The following ADAM19 variants were observed in gnomAD, a reference collection of about 807,000 sequenced individuals.
The protein encoded by ADAM19 is disintegrin and metalloproteinase domain-containing protein 19.
ADAM19 carries 65 observed loss-of-function variants against 114.7 expected under a neutral mutation model. That is an observed-to-expected ratio of 0.57 (90% CI 0.46 to 0.70). The LOEUF (loss-of-function observed/expected upper bound fraction) is 0.70. Ranked by LOEUF, ADAM19 falls within the 30% of genes least tolerant of loss-of-function variation. The pLI, the probability that ADAM19 is intolerant of heterozygous loss-of-function variation, is 0.00. For missense variants in ADAM19, 1,063 were observed against 1,204.7 expected (o/e 0.88, Z 1.74); for synonymous variants, 466 against 460.5 (o/e 1.01, Z -0.15).
At chr5:157,560,365 G>A (rs984338067) in intron 3 of ADAM19, among the ~76,000 whole-genome samples, 3 of 151,596 alleles carry the variant, frequency 2.0e-5, no homozygotes, top group Non-Finnish European at 4.4e-5. Context: ...GAAAGCAGAG[G>A]CTCAGGGGAG....
At position 157,507,131 on chromosome 5, in the gene ADAM19, G is replaced by A. The variant is rs750246252; in HGVS notation, c.915C>T (p.Ser305=). The change falls in exon 10 of 23, where the codon TCC becomes TCT. Residue 305 remains serine, a synonymous_variant. Transcript: ENST00000257527. ...CCAGGCCGATGGTGGTGCCGTGGAA[G>A]GACATGCCCCTGCAGGAGGCAAGGA... ...HDNAQLITGM[S]FHGTTIGLAP... is the part of the protein sequence containing the mutation. 2 of 1,613,858 alleles carry A rather than the reference G, an allele frequency of 1.2e-6. No homozygotes were observed. Among genetic ancestry groups the A allele is most frequent in the Non-Finnish European group, 1.7e-6 (2 of 1,179,936 alleles).
intron 4 of ADAM19, 110 bp from the exon 5 acceptor site, chr5:157,530,993 C>T (rs947347524): frequency 6.3e-6 from 5 of 797,342 alleles, no homozygotes; most frequent in Admixed American, 2.0e-5. Flanking sequence ...ACCTACCCAA[C>T]CTTATAGCAC....
chr5:157,502,912 C>A lies in ADAM19; in HGVS notation c.1199G>T (p.Gly400Val). The change falls in exon 12 of 23, where the codon GGT becomes GTT. Residue 400 changes from glycine to valine, a missense_variant. Coordinates refer to ENST00000257527, the MANE Select transcript of ADAM19 (RefSeq NM_033274.5). ...TGGCATGTTGGAGAGACACATTCCA[C>A]CACCTGACTGCAGATACCTGTCCAG... ...RELDRYLQSG[G>V]GMCLSNMPDT... 1.2e-6 allele frequency: 2 copies of A among 1,614,202 alleles called. No individual in the cohort carries two copies. The highest frequency in any genetic ancestry group is 1.7e-6 in the Non-Finnish European group (2 of 1,180,032).
chr5:157,509,869 C>T (rs1481311788), intron 8 of ADAM19, among the ~76,000 whole-genome samples: 1 of 152,134 alleles, frequency 6.6e-6, no homozygotes, highest in African/African-American at 2.4e-5. Flanking sequence ...GGGCTTAGGT[C>T]AATAGGTAAA....
chr5:157,568,440 G>A (rs773083470), intron 2 of ADAM19: 1 of 152,112 alleles, frequency 6.6e-6, no homozygotes, highest in African/African-American at 2.4e-5. Context: ...TTTTCTGTCC[G>A]GCTCTACTGA....
At chr5:157,543,226 ACTTCGAGAAGTG>A (rs1756964918) in intron 3 of ADAM19, among the ~76,000 whole-genome samples, 1 of 152,174 alleles carries the variant, frequency 6.6e-6, no homozygotes, top group African/African-American at 2.4e-5. Flanking sequence ...GATAAATAAA[ACTTCGAGAAGTG>A]CTCACTATGT....
chr5:157,558,519 G>A (rs1757424105), intron 3 of ADAM19, among the ~76,000 whole-genome samples: 1 of 152,242 alleles, frequency 6.6e-6, no homozygotes, highest in South Asian at 2.1e-4. Flanking sequence ...GGTTTACTAA[G>A]AGCATTGGGA....
intron 4 of ADAM19, among the ~76,000 whole-genome samples, chr5:157,533,702 C>T (rs1756686408): frequency 6.6e-6 from 1 of 152,120 alleles, no homozygotes; most frequent in Non-Finnish European, 1.5e-5. Flanking sequence ...CGCGGTGGCT[C>T]ATGCCCGTAA....
intron 6 of ADAM19, 24 bp from the exon 7 acceptor site, chr5:157,518,912 G>T: frequency 6.2e-7 from 1 of 1,605,576 alleles, no homozygotes; most frequent in Non-Finnish European, 8.5e-7. Flanking sequence ...ACAGATCAGC[G>T]CTGTAGAAAT....
Position 157,477,575 on chromosome 5 carries a change from A to G in ADAM19, c.*3374T>C. On this transcript the variant is annotated 3_prime_UTR_variant, in exon 23 of 23. Coordinates refer to ENST00000257527, the MANE Select transcript of ADAM19 (RefSeq NM_033274.5). ...TTGGAAATGTGGGCTTGGATTCTAC[A>G]GAACCTCTCCTTCGCAGGCTCCCCT... 2 of 1,239,362 alleles carry G rather than the reference A, an allele frequency of 1.6e-6. No individual in the cohort carries two copies. The highest frequency in any genetic ancestry group is 2.1e-6 in the Non-Finnish European group (2 of 962,604). 76.8% of individuals were successfully genotyped at this position (1,239,362 alleles called of 1,614,324 possible). A position where few individuals can be genotyped will look rare whatever the true frequency, so the allele number is the denominator to read the frequency against.
At chr5:157,531,648 C>CACTCT (rs1320190469) in intron 4 of ADAM19, among the ~76,000 whole-genome samples, 2 of 148,500 alleles carry the variant, frequency 1.3e-5, no homozygotes, top group Non-Finnish European at 3.0e-5. Flanking sequence ...GCCTGGGCGA[C>CACTCT]AGAGTGAGAT....
chr5:157,546,032 G>A lies in ADAM19; in HGVS notation c.252-8041C>T, dbSNP rs1445486040. On this transcript the variant is annotated intron_variant, in intron 3 of 22. Transcript: ENST00000257527. The stretch of plus-strand genomic sequence containing the variant: ...CCTCCACAAACATGTATGGAGGTCC[G>A]TGATGTGCAGGCACTATGCTAGGGG... Among the ~76,000 whole-genome samples the A allele has an allele frequency of 3.3e-5, 5 of 152,352 alleles. No homozygotes were observed. The East Asian group carries it at 5.8e-4, about 18-fold the overall frequency.
chr5:157,521,310 T>G (rs72811310), intron 5 of ADAM19, among the ~76,000 whole-genome samples: 16,138 of 152,092 alleles, frequency 0.11, 978 homozygotes, highest in Middle Eastern at 0.18. Context: ...AGCCCAGGAG[T>G]AAGCCCCATG....
At chr5:157,494,900 G>T in intron 14 of ADAM19, 105 bp from the exon 15 acceptor site, 2 of 824,940 alleles carry the variant, frequency 2.4e-6, no homozygotes, top group Non-Finnish European at 3.9e-6. Flanking sequence ...TTCTGGGAGG[G>T]AATACTCAGC....
intron 12 of ADAM19, among the ~76,000 whole-genome samples, chr5:157,500,208 C>G (rs1351421337): frequency 6.6e-6 from 1 of 151,956 alleles, no homozygotes; most frequent in African/African-American, 2.4e-5. Context: ...TTTTTTGAGA[C>G]AGTCTGCAAC....
At chr5:157,489,763 A>T (rs1755084642) in intron 19 of ADAM19, among the ~76,000 whole-genome samples, 1 of 152,242 alleles carries the variant, frequency 6.6e-6, no homozygotes, top group African/African-American at 2.4e-5. Flanking sequence ...AAGCGGGCAG[A>T]TCACCTGAGG....
chr5:157,478,517 G>C lies in ADAM19; in HGVS notation c.*2432C>G. 2.1e-6 allele frequency: 2 copies of C among 949,596 alleles called. No individual in the cohort carries two copies. Among genetic ancestry groups the C allele is most frequent in the South Asian group, 4.9e-5 (1 of 20,604 alleles). 58.8% of individuals were successfully genotyped at this position (949,596 alleles called of 1,614,324 possible). ...TTTCCCCTTCTGCAATCGTGCTTTG[G>C]AATAAGGTCTCTCCTTCCCTAAGCC... On this transcript the variant is annotated 3_prime_UTR_variant, in exon 23 of 23. Coordinates refer to ENST00000257527, the MANE Select transcript of ADAM19 (RefSeq NM_033274.5).
At chr5:157,529,520 G>C (rs1165162353) in intron 5 of ADAM19, among the ~76,000 whole-genome samples, 1 of 152,110 alleles carries the variant, frequency 6.6e-6, no homozygotes, top group African/African-American at 2.4e-5. Flanking sequence ...CAAATCACTT[G>C]GGAGTCTTGG....
intron 5 of ADAM19, among the ~76,000 whole-genome samples, chr5:157,524,621 A>T (rs1756401400): frequency 6.6e-6 from 1 of 152,198 alleles, no homozygotes; most frequent in South Asian, 2.1e-4. Flanking sequence ...TCTGCAAATT[A>T]TATCCATCCA....
Sources: allele counts gnomAD v4.1 joint callset (sites outside exome capture counted in the v4.1 genomes callset), GRCh38; gene constraint gnomAD v4.1.1; transcripts MANE v1.5; gene names NCBI Gene and HGNC (gene_info 2026-07-23, HGNC 2026-07-21).